EEF2K: variants seen among roughly 807,000 people sequenced by gnomAD.
EEF2K encodes alternative protein EEF2K.
A neutral mutation model predicts 93.8 loss-of-function variants in EEF2K; 70 were observed. The observed-to-expected ratio is 0.75, with a 90% CI of 0.62 to 0.91. The LOEUF is 0.91. Ranked by LOEUF, EEF2K falls within the 40% of genes least tolerant of loss-of-function variation. The probability of loss-of-function intolerance (pLI) is 0.00; values close to 1 mark genes in which losing one functional copy is unlikely to be tolerated. For missense variants in EEF2K, 935 were observed against 972.9 expected (o/e 0.96, Z 0.52); for synonymous variants, 376 against 380.8 (o/e 0.99, Z 0.15).
At chr16:22,249,834 T>G (rs1202010799) in intron 4 of EEF2K, among the ~76,000 whole-genome samples, 2 of 151,772 alleles carry the variant, frequency 1.3e-5, no homozygotes, top group Non-Finnish European at 2.9e-5. Context: ...CAGGCTGGAG[T>G]GCAATGGTGC....
At chr16:22,271,408 G>T (rs567350906) in intron 15 of EEF2K, among the ~76,000 whole-genome samples, 1 of 152,040 alleles carries the variant, frequency 6.6e-6, no homozygotes, top group Non-Finnish European at 1.5e-5. Context: ...GAATAAGTAG[G>T]CTGGGCATGG....
intron 16 of EEF2K, among the ~76,000 whole-genome samples, chr16:22,276,289 C>T (rs538418926): frequency 6.6e-6 from 1 of 152,074 alleles, no homozygotes; most frequent in Non-Finnish European, 1.5e-5. Context: ...ATATGTCTAC[C>T]ATAGATAGAG....
At chr16:22,225,564 G>T in intron 1 of EEF2K, 90 bp from the exon 2 acceptor site, 1 of 1,072,490 alleles carries the variant, frequency 9.3e-7, no homozygotes, top group South Asian at 1.7e-5. Context: ...GCCAGCTCCT[G>T]CGATAGCCTG....
chr16:22,279,236 CT>C (rs143168233), intron 16 of EEF2K, among the ~76,000 whole-genome samples: 6,713 of 135,168 alleles, frequency 0.05, 475 homozygotes, highest in African/African-American at 0.16. Context: ...CTTGACTCCT[CT>C]TTTTTTTTTT....
intron 1 of EEF2K, among the ~76,000 whole-genome samples, chr16:22,215,512 A>C (rs74324880): frequency 6.6e-6 from 1 of 152,174 alleles, no homozygotes; most frequent in Non-Finnish European, 1.5e-5. Context: ...TTCTCTCAAT[A>C]GTTTAAATAA....
At chr16:22,280,479 A>T in intron 17 of EEF2K, 103 bp downstream of exon 17, 1 of 1,242,906 alleles carries the variant, frequency 8.0e-7, no homozygotes, top group Non-Finnish European at 1.0e-6. Flanking sequence ...GACAGGCTGA[A>T]TCTTCTTCCA....
At chr16:22,223,392 C>T (rs575872360) in intron 1 of EEF2K, among the ~76,000 whole-genome samples, 7 of 151,822 alleles carry the variant, frequency 4.6e-5, no homozygotes, top group Non-Finnish European at 1.0e-4. Flanking sequence ...AATTCTCTCA[C>T]CTCAGCCTCC....
intron 6 of EEF2K, among the ~76,000 whole-genome samples, chr16:22,254,250 G>T (rs2141671946): frequency 6.6e-6 from 1 of 152,274 alleles, no homozygotes; most frequent in East Asian, 1.9e-4. Context: ...GAGCCCTCTG[G>T]CCCAGCAGGT....
rs2047762170 is a variant in EEF2K, at chr16:22,287,274, A to G, written c.*3278A>G. 2 of 152,216 alleles carry G rather than the reference A, an allele frequency of 1.3e-5. No individual in the cohort carries two copies. Among genetic ancestry groups the G allele is most frequent in the South Asian group, 4.1e-4 (2 of 4,828 alleles). The allele number at this position is 152,216 out of a possible 1,614,324, so 9.4% of individuals were successfully genotyped here. A position where few individuals can be genotyped will look rare whatever the true frequency, so the allele number is the denominator to read the frequency against. ...GAGTGAGACTCCGTCTCGAAACCAA[A>G]AACAAGAAAAACCCCTAGTTTTGTG... On this transcript the variant is annotated 3_prime_UTR_variant, in exon 18 of 18. Coordinates refer to ENST00000263026, the MANE Select transcript of EEF2K (RefSeq NM_013302.5).
chr16:22,245,480 G>C (rs775896211), intron 3 of EEF2K, among the ~76,000 whole-genome samples: 6 of 151,946 alleles, frequency 3.9e-5, no homozygotes, highest in Non-Finnish European at 8.8e-5. Context: ...GCCTCTGCTT[G>C]TTTTTCCCGG....
intron 2 of EEF2K, among the ~76,000 whole-genome samples, chr16:22,236,758 T>A (rs545363990): frequency 6.6e-6 from 1 of 151,760 alleles, no homozygotes; most frequent in Non-Finnish European, 1.5e-5. Flanking sequence ...TGAAGTAAAT[T>A]ATTATTACTA....
chr16:22,235,500 C>T (rs1042914685), intron 2 of EEF2K, among the ~76,000 whole-genome samples: 1 of 151,946 alleles, frequency 6.6e-6, no homozygotes, highest in African/African-American at 2.4e-5. Flanking sequence ...GCAGTTTCCA[C>T]GTTTGTTTGT....
At chr16:22,222,445 G>A (rs2047023098) in intron 1 of EEF2K, among the ~76,000 whole-genome samples, 1 of 151,964 alleles carries the variant, frequency 6.6e-6, no homozygotes. Flanking sequence ...CTGGGCTCAA[G>A]CGATCCTCCC....
intron 17 of EEF2K, 56 bp from the exon 18 acceptor site, chr16:22,283,831 G>A: frequency 6.6e-7 from 1 of 1,522,674 alleles, no homozygotes. Flanking sequence ...GGGACACTGG[G>A]CTGGCAAAAA....
intron 2 of EEF2K, among the ~76,000 whole-genome samples, chr16:22,241,724 G>A (rs2047225688): frequency 6.6e-6 from 1 of 151,308 alleles, no homozygotes; most frequent in Admixed American, 6.6e-5. Context: ...GTATATGGTG[G>A]ATTTGACTTT....
intron 1 of EEF2K, among the ~76,000 whole-genome samples, chr16:22,211,127 G>A (rs1454491095): frequency 2.0e-5 from 3 of 152,342 alleles, no homozygotes; most frequent in Admixed American, 1.3e-4. Flanking sequence ...CCAGCTCTCT[G>A]TGCCACCTGT....
In EEF2K at chr16:22,248,034, T is replaced by C. The variant is rs1223082485; in HGVS notation, c.348-721T>C. On this transcript the variant is annotated intron_variant, in intron 3 of 17. Coordinates refer to ENST00000263026, the MANE Select transcript of EEF2K (RefSeq NM_013302.5). ...TCATCCACCTTGTATATTTATTTTA[T>C]GTATGTATTTATTTTTATTTTTATT... 8.1e-5 allele frequency among the ~76,000 whole-genome samples: 12 copies of C among 148,864 alleles called. 1 individual carries two copies. The East Asian group carries it at 2.6e-3, about 32-fold the overall frequency.
chr16:22,256,727 G>A lies in EEF2K; in HGVS notation c.619-21G>A, dbSNP rs1276536716. The A allele has an allele frequency of 3.1e-6, 5 of 1,611,712 alleles. No individual in the cohort carries two copies. The Admixed American group carries it at 8.4e-5, about 27-fold the overall frequency. Reference sequence around the variant, plus strand: ...GGTGCGCCTGGGCCCTCCCGCCTGAGCCCACTCCCCATCCCACCAGGTGGA... The same window carrying A: ...GGTGCGCCTGGGCCCTCCCGCCTGAACCCACTCCCCATCCCACCAGGTGGA... On this transcript the variant is annotated intron_variant, in intron 6 of 17. Transcript: ENST00000263026.
chr16:22,256,704 T>A lies in EEF2K; in HGVS notation c.619-44T>A, dbSNP rs749730972. ...TCCCCTTGCCGCTTCTCAGAGGAGGTGCGCCTGGGCCCTCCCGCCTGAGCC... is the reference window on the plus strand; with the variant it reads ...TCCCCTTGCCGCTTCTCAGAGGAGGAGCGCCTGGGCCCTCCCGCCTGAGCC... On this transcript the variant is annotated intron_variant, in intron 6 of 17. Coordinates refer to ENST00000263026, the MANE Select transcript of EEF2K (RefSeq NM_013302.5). The A allele has an allele frequency of 2.5e-6, 4 of 1,592,596 alleles. No homozygotes were observed. In the South Asian group the frequency reaches 4.6e-5, roughly 18 times the overall value.
Sources: allele counts gnomAD v4.1 joint callset (sites outside exome capture counted in the v4.1 genomes callset), GRCh38; gene constraint gnomAD v4.1.1; transcripts MANE v1.5; gene names NCBI Gene and HGNC (gene_info 2026-07-23, HGNC 2026-07-21).